Variants in MYO9A observed in about 807,000 individuals in gnomAD.
The protein encoded by MYO9A is myosin IXA.
Under a neutral mutation model 293.3 loss-of-function variants are expected in MYO9A, and 103 were observed. The ratio of observed to expected loss-of-function variants is 0.35; its 90% CI spans 0.30 to 0.41. The LOEUF (loss-of-function observed/expected upper bound fraction) is 0.41. Among genes scored for constraint, MYO9A ranks in the 10% least tolerant of loss-of-function variants. MYO9A has a pLI of 1.00. For missense variants in MYO9A, 2,685 were observed against 3,033.0 expected, an observed-to-expected ratio of 0.89 and a Z score of 2.69; for synonymous variants, 1,001 against 1,035.7, an observed-to-expected ratio of 0.97 and a Z score of 0.64.
chr15:71,933,301 T>C (rs1202960437), intron 18 of MYO9A, among the ~76,000 whole-genome samples: 1 of 152,134 alleles, frequency 6.6e-6, no homozygotes, highest in East Asian at 1.9e-4. Flanking sequence ...TTATAGATAA[T>C]TGGATTAGGT....
At chr15:71,882,058 T>C (rs992183338) in intron 28 of MYO9A, among the ~76,000 whole-genome samples, 1 of 152,194 alleles carries the variant, frequency 6.6e-6, no homozygotes, top group African/African-American at 2.4e-5. Context: ...TCCTCTGGCA[T>C]AGAGAGCTCA....
At chr15:72,010,041 T>C (rs1049712882) in intron 7 of MYO9A, among the ~76,000 whole-genome samples, 7 of 152,162 alleles carry the variant, frequency 4.6e-5, no homozygotes, top group African/African-American at 1.7e-4. Flanking sequence ...TGAAGAGCTA[T>C]AAAAATAGTG....
chr15:72,036,520 C>T (rs1431000476), intron 2 of MYO9A: 1 of 151,670 alleles, frequency 6.6e-6, no homozygotes, highest in Non-Finnish European at 1.5e-5. Context: ...TTTAGCTCCA[C>T]ACTGAAGAGA....
intron 39 of MYO9A, among the ~76,000 whole-genome samples, chr15:71,842,577 T>C (rs1465835894): frequency 2.6e-5 from 4 of 150,986 alleles, no homozygotes; most frequent in Admixed American, 2.6e-4. Flanking sequence ...TTTCTATATG[T>C]GGCTGGGCAC....
chr15:71,849,453 AAATT>A (rs111825252), intron 38 of MYO9A, among the ~76,000 whole-genome samples: 119 of 152,076 alleles, frequency 7.8e-4, no homozygotes, highest in South Asian at 2.9e-3. Flanking sequence ...CCATCTCAAA[AAATT>A]AATTAATTAA....
At position 71,862,616 on chromosome 15, in the gene MYO9A, A is replaced by G; in HGVS notation, c.5980-5T>C. On this transcript the variant is annotated splice_polypyrimidine_tract_variant and splice_region_variant and intron_variant, in intron 32 of 41. Transcript: ENST00000356056. ...GTGACCATTGTGTTCTTCCACCTGA[A>G]TGAAAAAATTTAGCTACTTATATTA... 6.3e-7 allele frequency: 1 copy of G among 1,592,892 alleles called. No homozygotes were observed. The highest frequency in any genetic ancestry group is 8.6e-7 in the Non-Finnish European group (1 of 1,161,672).
chr15:71,957,689 T>G (rs1319578574), intron 14 of MYO9A, among the ~76,000 whole-genome samples: 2 of 152,086 alleles, frequency 1.3e-5, no homozygotes, highest in East Asian at 3.9e-4. Flanking sequence ...GTCTATTGAG[T>G]GGGATGAAGA....
intron 4 of MYO9A, among the ~76,000 whole-genome samples, chr15:72,027,236 C>T (rs1260980009): frequency 6.6e-6 from 1 of 152,124 alleles, no homozygotes; most frequent in African/African-American, 2.4e-5. Flanking sequence ...CCAAGGCATA[C>T]CCAATATTTG....
intron 41 of MYO9A, among the ~76,000 whole-genome samples, chr15:71,827,368 T>G (rs1005258293): frequency 9.2e-5 from 14 of 151,462 alleles, no homozygotes; most frequent in African/African-American, 1.5e-4. Flanking sequence ...AAACACCTCC[T>G]TTGTATATGT....
At chr15:71,908,937 G>A (rs146235444) in intron 19 of MYO9A, among the ~76,000 whole-genome samples, 232 of 151,952 alleles carry the variant, frequency 1.5e-3, no homozygotes, top group Middle Eastern at 6.8e-3. Flanking sequence ...AGATCCTGGC[G>A]ACTACTGATC....
intron 18 of MYO9A, among the ~76,000 whole-genome samples, chr15:71,922,321 G>T (rs1239554366): frequency 6.6e-6 from 1 of 151,966 alleles, no homozygotes; most frequent in Non-Finnish European, 1.5e-5. Context: ...TATATTTTTG[G>T]TTTTTCATCT....
chr15:72,092,373 T>C (rs902126713), intron 1 of MYO9A, among the ~76,000 whole-genome samples: 2 of 152,224 alleles, frequency 1.3e-5, no homozygotes, highest in African/African-American at 4.8e-5. Context: ...TGACAAGTTA[T>C]TAACAGGAAA....
At chr15:72,065,847 T>C (rs76818425) in intron 1 of MYO9A, among the ~76,000 whole-genome samples, 7,810 of 152,238 alleles carry the variant, frequency 0.051, 334 homozygotes, top group East Asian at 0.18. Context: ...AAAAATAAAA[T>C]TCAACATCTG....
chr15:72,111,015 C>T (rs1189312239), intron 1 of MYO9A, among the ~76,000 whole-genome samples: 5 of 151,814 alleles, frequency 3.3e-5, no homozygotes, highest in African/African-American at 4.8e-5. Flanking sequence ...AAAAATTAGC[C>T]GGGAGTGGTG....
At chr15:71,980,884 T>C (rs1249463220) in intron 11 of MYO9A, among the ~76,000 whole-genome samples, 1 of 152,170 alleles carries the variant, frequency 6.6e-6, no homozygotes, top group African/African-American at 2.4e-5. Flanking sequence ...AAAACATTAT[T>C]GCCTTGTTCT....
intron 19 of MYO9A, among the ~76,000 whole-genome samples, chr15:71,908,899 T>C (rs1389962795): frequency 3.3e-5 from 5 of 152,200 alleles, no homozygotes; most frequent in African/African-American, 4.8e-5. Context: ...AAGTCCTCTA[T>C]GCTCTGCCTA....
At chr15:72,050,330 C>T (rs577068441) in intron 1 of MYO9A, among the ~76,000 whole-genome samples, 11 of 152,162 alleles carry the variant, frequency 7.2e-5, no homozygotes, top group Middle Eastern at 3.4e-3. Context: ...CATTACCAGC[C>T]GGGTGCGGTG....
At chr15:71,894,753 A>G (rs1389963768) in intron 25 of MYO9A, among the ~76,000 whole-genome samples, 1 of 152,230 alleles carries the variant, frequency 6.6e-6, no homozygotes, top group East Asian at 1.9e-4. Flanking sequence ...AGAATGCTTT[A>G]TCATTAAATT....
intron 39 of MYO9A, among the ~76,000 whole-genome samples, chr15:71,839,037 T>C (rs1041289672): frequency 1.3e-4 from 20 of 152,228 alleles, no homozygotes; most frequent in Admixed American, 8.5e-4. Context: ...CTGGCTTGTT[T>C]TCAGTTTCTG....
Sources: gnomAD v4.1 joint callset for allele counts (sites outside exome capture counted in the v4.1 genomes callset) on GRCh38, gnomAD v4.1.1 for gene constraint, MANE v1.5 for transcripts, NCBI Gene and HGNC (gene_info 2026-07-23, HGNC 2026-07-21) for gene names.